Variants in ALMS1 observed in about 807,000 individuals in gnomAD.
ALMS1 encodes the protein centrosome-associated protein ALMS1.
Under a neutral mutation model 352.2 loss-of-function variants are expected in ALMS1, and 271 were observed. The observed-to-expected ratio is 0.77, with a 90% CI of 0.70 to 0.85. The LOEUF is 0.85. Among genes scored for constraint, ALMS1 ranks in the 40% least tolerant of loss-of-function variants. The pLI, the probability that ALMS1 is intolerant of heterozygous loss-of-function variation, is 0.00. For synonymous variants in ALMS1, 1,865 were observed against 1,761.2 expected, an observed-to-expected ratio of 1.06 and a Z score of -1.48; for missense variants, 5,445 against 4,870.7, an observed-to-expected ratio of 1.12 and a Z score of -3.51.
intron 15 of ALMS1, among the ~76,000 whole-genome samples, chr2:73,568,995 CTTTTTTTTTTT>C (rs747436819): frequency 0.013 from 698 of 53,534 alleles, 21 homozygotes; most frequent in African/African-American, 0.051. Context: ...GCTTCTGCTT[CTTTTTTTTTTT>C]TTTTTTTTTT....
At chr2:73,495,691 G>A (rs1673089647) in intron 10 of ALMS1, among the ~76,000 whole-genome samples, 1 of 152,116 alleles carries the variant, frequency 6.6e-6, no homozygotes, top group African/African-American at 2.4e-5. Context: ...AAATTTATGT[G>A]TATACTCATA....
At chr2:73,489,299 G>A (rs974388036) in intron 9 of ALMS1, among the ~76,000 whole-genome samples, 5 of 152,180 alleles carry the variant, frequency 3.3e-5, no homozygotes, top group South Asian at 4.1e-4. Context: ...CCACTTGGTG[G>A]CTATGTGGCC....
intron 1 of ALMS1, among the ~76,000 whole-genome samples, chr2:73,394,639 C>T (rs767277707): frequency 1.1e-4 from 17 of 152,276 alleles, no homozygotes; most frequent in East Asian, 5.8e-4. Context: ...CGTGAGCCAC[C>T]GTGCCTGGCC....
At chr2:73,440,851 G>A (rs961557145) in intron 7 of ALMS1, among the ~76,000 whole-genome samples, 2 of 152,166 alleles carry the variant, frequency 1.3e-5, no homozygotes, top group Non-Finnish European at 2.9e-5. Context: ...CTTCTGTTTA[G>A]CAGGCAGTTG....
At position 73,546,244 on chromosome 2, in the gene ALMS1, T is replaced by G. The variant is rs2104024357; in HGVS notation, c.9908-4023T>G. ...AGTAATGAGACTGTATATGGTATGA[T>G]CCCTGTAAATGTTCACTTAGTAGGA... On this transcript the variant is annotated intron_variant, in intron 12 of 22. Transcript: ENST00000613296. Among the ~76,000 whole-genome samples, 3 of 152,364 alleles carry G rather than the reference T, an allele frequency of 2.0e-5. No individual in the cohort carries two copies. The South Asian group carries it at 6.2e-4, about 32-fold the overall frequency.
At chr2:73,402,374 A>G (rs1310280867) in intron 1 of ALMS1, among the ~76,000 whole-genome samples, 1 of 149,462 alleles carries the variant, frequency 6.7e-6, no homozygotes, top group Admixed American at 6.8e-5. Context: ...CCCGAGTTCA[A>G]GCGATTCTTG....
chr2:73,486,419 G>GT (rs1672847777), intron 9 of ALMS1, among the ~76,000 whole-genome samples: 1 of 152,136 alleles, frequency 6.6e-6, no homozygotes, highest in Non-Finnish European at 1.5e-5. Flanking sequence ...AGTGGGTCTA[G>GT]TTTTTTCTGT....
chr2:73,449,549 A>G lies in ALMS1; in HGVS notation c.3022A>G (p.Lys1008Glu). 1 of 1,614,036 alleles carries G rather than the reference A, an allele frequency of 6.2e-7. No individual in the cohort carries two copies. The highest frequency in any genetic ancestry group is 2.2e-5 in the East Asian group (1 of 44,858). The change falls in exon 8 of 23, where the codon AAG becomes GAG. Residue 1008 changes from lysine (K) to glutamate (E), a missense_variant. Coordinates refer to ENST00000613296, the MANE Select transcript of ALMS1 (RefSeq NM_001378454.1). Reference sequence around the variant, plus strand: ...TTCAGGTTCCTTCTCACATAGAGAGAAGCCCAGTATTTTCTATCAACAGGA... The same window carrying G: ...TTCAGGTTCCTTCTCACATAGAGAGGAGCCCAGTATTTTCTATCAACAGGA... Reference protein sequence around the residue: ...VPSGSFSHREKPSIFYQQEWP... With the variant: ...VPSGSFSHREEPSIFYQQEWP...
At position 73,451,944 on chromosome 2, in the gene ALMS1, A is replaced by G. The variant is rs374046216; in HGVS notation, c.5417A>G (p.Tyr1806Cys). The change falls in exon 8 of 23, where the codon TAC becomes TGC. Residue 1806 changes from tyrosine (Y) to cysteine (C), a missense_variant. By Grantham distance (194) the Tyr-to-Cys change is radical (BLOSUM62 -2). Coordinates refer to ENST00000613296, the MANE Select transcript of ALMS1 (RefSeq NM_001378454.1). ...GTATCAACAGTAACCTCTACTTCCTACTCACACAGAGAGAAGCCCATTGTT... is the reference window on the plus strand; with the variant it reads ...GTATCAACAGTAACCTCTACTTCCTGCTCACACAGAGAGAAGCCCATTGTT... ...TGVSTVTSTS[Y>C]SHREKPIVSY... 1.4e-5 allele frequency: 22 copies of G among 1,613,940 alleles called. No individual in the cohort carries two copies. The highest frequency in any genetic ancestry group is 6.7e-5 in the East Asian group (3 of 44,874).
At chr2:73,604,506 A>G (rs1675772646) in intron 21 of ALMS1, among the ~76,000 whole-genome samples, 1 of 152,206 alleles carries the variant, frequency 6.6e-6, no homozygotes, top group African/African-American at 2.4e-5. Flanking sequence ...TTCATTGGAC[A>G]CTTGCTTTAA....
intron 4 of ALMS1, among the ~76,000 whole-genome samples, chr2:73,423,467 AC>A (rs1671321130): frequency 6.6e-6 from 1 of 152,250 alleles, no homozygotes; most frequent in Admixed American, 6.5e-5. Context: ...ATCCAAATGA[AC>A]AGATACTCCA....
chr2:73,433,268 C>T (rs748010404), intron 7 of ALMS1, among the ~76,000 whole-genome samples: 2 of 152,176 alleles, frequency 1.3e-5, no homozygotes. Flanking sequence ...TGATGAATTA[C>T]AGTATTGATC....
intron 9 of ALMS1, among the ~76,000 whole-genome samples, chr2:73,462,432 G>A (rs1002134747): frequency 6.6e-6 from 1 of 152,146 alleles, no homozygotes; most frequent in Admixed American, 6.5e-5. Flanking sequence ...CACCAGGCCT[G>A]CCCTAAAAGA....
intron 21 of ALMS1, among the ~76,000 whole-genome samples, chr2:73,606,223 A>C (rs1262994797): frequency 6.6e-6 from 1 of 152,266 alleles, no homozygotes; most frequent in Non-Finnish European, 1.5e-5. Flanking sequence ...TGAATAAAAA[A>C]ATAAAGTTTT....
intron 9 of ALMS1, among the ~76,000 whole-genome samples, chr2:73,485,969 T>C (rs1287630254): frequency 6.6e-6 from 1 of 151,976 alleles, no homozygotes; most frequent in East Asian, 2.0e-4. Flanking sequence ...CTGCGCCCAC[T>C]GTCTGGCACT....
chr2:73,570,110 A>T (rs1320112194), intron 15 of ALMS1, among the ~76,000 whole-genome samples: 1 of 152,210 alleles, frequency 6.6e-6, no homozygotes, highest in Admixed American at 6.5e-5. Context: ...GGGAGTTGGA[A>T]CTATCAAGAA....
In ALMS1 at chr2:73,534,868, A is replaced by T; in HGVS notation, c.9826A>T (p.Met3276Leu). 6.2e-7 allele frequency: 1 copy of T among 1,613,686 alleles called. No homozygotes were observed. The highest frequency in any genetic ancestry group is 8.5e-7 in the Non-Finnish European group (1 of 1,179,674). Reference protein sequence around the residue: ...LPYKPSGSTKMYYVPQLRQIP... With the variant: ...LPYKPSGSTKLYYVPQLRQIP... Reference sequence around the variant, plus strand: ...ATATAAGCCTTCTGGTAGTACCAAGATGTATTATGTTCCACAATTAAGACA... The same window carrying T: ...ATATAAGCCTTCTGGTAGTACCAAGTTGTATTATGTTCCACAATTAAGACA... Residue 3276 changes from methionine (M) to leucine (L), a missense_variant, in exon 12 of 23, where the codon ATG (methionine) becomes TTG (leucine). Physicochemically the swap from Met to Leu is conservative, Grantham distance 15. Coordinates refer to ENST00000613296, the MANE Select transcript of ALMS1 (RefSeq NM_001378454.1).
chr2:73,477,363 C>T (rs2103856386), intron 9 of ALMS1, among the ~76,000 whole-genome samples: 1 of 152,178 alleles, frequency 6.6e-6, no homozygotes, highest in Admixed American at 6.6e-5. Flanking sequence ...CTTATGCCAG[C>T]ACTGTGCTGT....
chr2:73,551,425 C>CTTTTTTT (rs372741747), intron 13 of ALMS1, among the ~76,000 whole-genome samples: 10 of 73,698 alleles, frequency 1.4e-4, no homozygotes, highest in South Asian at 3.9e-4. Context: ...GAGTTTCAAT[C>CTTTTTTT]TTTTTTTTTT....
Sources: allele counts gnomAD v4.1 joint callset (sites outside exome capture counted in the v4.1 genomes callset), GRCh38; gene constraint gnomAD v4.1.1; transcripts MANE v1.5; gene names NCBI Gene and HGNC (gene_info 2026-07-23, HGNC 2026-07-21).